The following TENM3 variants were observed in gnomAD, a reference collection of about 807,000 sequenced individuals.
The protein encoded by TENM3 is teneurin-3.
A neutral mutation model predicts 255.1 loss-of-function variants in TENM3; 63 were observed. The ratio of observed to expected loss-of-function variants is 0.25; its 90% CI spans 0.20 to 0.30. TENM3 has a LOEUF of 0.30. Ranked by LOEUF, TENM3 falls within the 10% of genes least tolerant of loss-of-function variation. The probability of loss-of-function intolerance (pLI) is 1.00; values close to 1 mark genes in which losing one functional copy is unlikely to be tolerated. For synonymous variants in TENM3, 1,306 were observed against 1,322.3 expected, an observed-to-expected ratio of 0.99 and a Z score of 0.27; for missense variants, 2,929 against 3,461.1, an observed-to-expected ratio of 0.85 and a Z score of 3.86.
chr4:182,725,032 A>T (rs1309307036), intron 13 of TENM3, among the ~76,000 whole-genome samples: 3 of 151,588 alleles, frequency 2.0e-5, no homozygotes, highest in African/African-American at 4.8e-5. Flanking sequence ...GTTTTAAAAA[A>T]TTTTTTGGTT....
At chr4:182,379,170 A>G (rs1209417494) in intron 3 of TENM3, among the ~76,000 whole-genome samples, 4 of 152,092 alleles carry the variant, frequency 2.6e-5, no homozygotes, top group African/African-American at 7.2e-5. Context: ...CCTGTCCAAC[A>G]TGGTGAAACC....
the TENM3 span, among the ~76,000 whole-genome samples, chr4:181,546,241 G>C: frequency 1.8e-4 from 27 of 152,114 alleles, no homozygotes; most frequent in East Asian, 5.0e-3. Context: ...TTTAGCTGTC[G>C]CAGCTTCTTT....
chr4:181,455,027 G>A, the TENM3 span, among the ~76,000 whole-genome samples: 15 of 152,054 alleles, frequency 9.9e-5, no homozygotes, highest in South Asian at 2.1e-4. Flanking sequence ...CTCCAGACAC[G>A]GAACAAGTAA....
the TENM3 span, among the ~76,000 whole-genome samples, chr4:181,914,482 G>A: frequency 5.9e-5 from 9 of 151,960 alleles, no homozygotes; most frequent in African/African-American, 9.7e-5. Context: ...TTTATATATC[G>A]TGTCTCTCCT....
chr4:182,592,555 T>G (rs1746775943), intron 3 of TENM3, among the ~76,000 whole-genome samples: 1 of 152,112 alleles, frequency 6.6e-6, no homozygotes. Flanking sequence ...GAAACCCCGT[T>G]TCTACTAAAA....
chr4:182,800,410 C>A lies in TENM3; in HGVS notation c.*59C>A, dbSNP rs1766862400. 4.7e-6 allele frequency: 7 copies of A among 1,488,682 alleles called. No homozygotes were observed. Among genetic ancestry groups the A allele is most frequent in the Non-Finnish European group, 6.2e-6 (7 of 1,121,444 alleles). 92.2% of individuals were successfully genotyped at this position (1,488,682 alleles called of 1,614,324 possible). On this transcript the variant is annotated 3_prime_UTR_variant, in exon 28 of 28. Transcript: ENST00000511685. ...CTGCCCACATTGTCCTGTGGCACAACCCGAGTGGGACTCTCCAACGCCCAA... is the reference window on the plus strand; with the variant it reads ...CTGCCCACATTGTCCTGTGGCACAAACCGAGTGGGACTCTCCAACGCCCAA...
chr4:181,729,654 A>G, the TENM3 span, among the ~76,000 whole-genome samples: 1 of 152,202 alleles, frequency 6.6e-6, no homozygotes, highest in Non-Finnish European at 1.5e-5. Flanking sequence ...CACGTGACAG[A>G]GCAGCTGGTC....
At chr4:181,989,414 C>T in the TENM3 span, among the ~76,000 whole-genome samples, 1 of 151,958 alleles carries the variant, frequency 6.6e-6, no homozygotes, top group Non-Finnish European at 1.5e-5. Flanking sequence ...GTAGCAAGAA[C>T]AGAATATAGT....
chr4:182,277,989 C>G (rs889280228), intron 1 of TENM3, among the ~76,000 whole-genome samples: 1 of 152,226 alleles, frequency 6.6e-6, no homozygotes, highest in African/African-American at 2.4e-5. Flanking sequence ...TCCTCCATTT[C>G]TTGGCCTGGA....
At chr4:182,684,688 A>G (rs1756441889) in intron 11 of TENM3, among the ~76,000 whole-genome samples, 1 of 152,256 alleles carries the variant, frequency 6.6e-6, no homozygotes, top group African/African-American at 2.4e-5. Flanking sequence ...AGTAGTTACT[A>G]TGGTAGAAGT....
chr4:182,241,518 C>CTTTTTTTTTTTTTTTTTTTTTTTTT (rs982739950), upstream of TENM3, among the ~76,000 whole-genome samples: 19 of 114,278 alleles, frequency 1.7e-4, 1 homozygote, highest in African/African-American at 7.3e-4. Context: ...TTTTTTCTTT[C>CTTTTTTTTTTTTTTTTTTTTTTTTT]TTTTTTTTTT....
chr4:182,107,655 T>C, the TENM3 span, among the ~76,000 whole-genome samples: 1 of 152,214 alleles, frequency 6.6e-6, no homozygotes, highest in African/African-American at 2.4e-5. Flanking sequence ...TCACAGGCTT[T>C]TAAAGAAGGA....
At chr4:182,430,399 T>A (rs1771531957) in intron 3 of TENM3, among the ~76,000 whole-genome samples, 1 of 152,004 alleles carries the variant, frequency 6.6e-6, no homozygotes, top group Non-Finnish European at 1.5e-5. Context: ...ATACACAAAA[T>A]TAGCTGGGCG....
At chr4:181,769,577 C>A in the TENM3 span, among the ~76,000 whole-genome samples, 3 of 152,170 alleles carry the variant, frequency 2.0e-5, no homozygotes, top group African/African-American at 7.2e-5. Context: ...AAAATCCGAT[C>A]ATTCATCAAT....
At chr4:182,630,595 A>T (rs996438196) in intron 5 of TENM3, among the ~76,000 whole-genome samples, 1 of 152,208 alleles carries the variant, frequency 6.6e-6, no homozygotes, top group African/African-American at 2.4e-5. Flanking sequence ...CAGCTAATGC[A>T]TGCTGGACTT....
intron 3 of TENM3, among the ~76,000 whole-genome samples, chr4:182,461,703 T>G (rs1732009080): frequency 6.6e-6 from 1 of 152,222 alleles, no homozygotes. Flanking sequence ...AAGAACAGTT[T>G]ACCAAAGTAA....
chr4:182,161,396 A>G (rs1277607820), intron 1 of TENM3, among the ~76,000 whole-genome samples: 2 of 95,604 alleles, frequency 2.1e-5, no homozygotes, highest in Non-Finnish European at 2.0e-5. Context: ...AGCCTGGGCG[A>G]CAGAGCGAGA....
intron 1 of TENM3, among the ~76,000 whole-genome samples, chr4:182,175,895 A>G (rs1282403536): frequency 6.6e-6 from 1 of 151,882 alleles, no homozygotes; most frequent in East Asian, 2.0e-4. Context: ...TTTCGATACA[A>G]TTGGAATGAC....
intron 3 of TENM3, among the ~76,000 whole-genome samples, chr4:182,360,242 T>C (rs1765865531): frequency 7.7e-6 from 1 of 129,216 alleles, no homozygotes; most frequent in East Asian, 2.2e-4. Flanking sequence ...TAGGTCCGCT[T>C]GGTGCAGAGC....
Sources: gnomAD v4.1 joint callset for allele counts (sites outside exome capture counted in the v4.1 genomes callset) on GRCh38, gnomAD v4.1.1 for gene constraint, MANE v1.5 for transcripts, NCBI Gene and HGNC (gene_info 2026-07-23, HGNC 2026-07-21) for gene names.